SLC1A1: variants seen among roughly 807,000 people sequenced by gnomAD.
The protein encoded by SLC1A1 is solute carrier family 1 member 1, also known as excitatory amino acid transporter 3.
A neutral mutation model predicts 53.3 loss-of-function variants in SLC1A1; 43 were observed. The observed-to-expected ratio is 0.81, with a 90% CI of 0.63 to 1.04. SLC1A1 has a LOEUF of 1.04. Ranked by LOEUF, SLC1A1 falls within the 50% of genes least tolerant of loss-of-function variation. The pLI is 0.00. For missense variants in SLC1A1, 748 were observed against 664.9 expected, an observed-to-expected ratio of 1.12 and a Z score of -1.37; for synonymous variants, 307 against 243.2, an observed-to-expected ratio of 1.26 and a Z score of -2.44.
chr9:4,563,815 C>T (rs547187578), intron 3 of SLC1A1, among the ~76,000 whole-genome samples: 1 of 152,250 alleles, frequency 6.6e-6, no homozygotes, highest in Admixed American at 6.5e-5. Flanking sequence ...ATTCCACCCC[C>T]GGAACAGCAT....
intron 1 of SLC1A1, among the ~76,000 whole-genome samples, chr9:4,518,157 C>G (rs545293979): frequency 1.6e-3 from 228 of 141,370 alleles, no homozygotes; most frequent in Non-Finnish European, 2.8e-3. Flanking sequence ...AATTGCTGAA[C>G]CTGGGAGGCA....
chr9:4,577,593 A>G (rs1820677183), intron 10 of SLC1A1, among the ~76,000 whole-genome samples: 1 of 152,184 alleles, frequency 6.6e-6, no homozygotes, highest in African/African-American at 2.4e-5. Context: ...CTCCTGCCTC[A>G]GCCTCCTGAG....
chr9:4,559,387 A>T (rs1818717142), intron 2 of SLC1A1, among the ~76,000 whole-genome samples: 1 of 152,174 alleles, frequency 6.6e-6, no homozygotes, highest in Non-Finnish European at 1.5e-5. Context: ...CTCTCAAAAT[A>T]TTAACTTCCA....
chr9:4,547,012 C>T (rs982737428), intron 2 of SLC1A1, among the ~76,000 whole-genome samples: 2 of 152,112 alleles, frequency 1.3e-5, no homozygotes, highest in East Asian at 1.9e-4. Flanking sequence ...ACCCAAAACT[C>T]GAGGTAAAAC....
At position 4,564,178 on chromosome 9, in the gene SLC1A1, G is replaced by C. The variant is rs146602371; in HGVS notation, c.326-166G>C. Among the ~76,000 whole-genome samples, 27 of 152,288 alleles carry C rather than the reference G, an allele frequency of 1.8e-4. No homozygotes were observed. In the East Asian group the frequency reaches 4.6e-3, roughly 26 times the overall value. On this transcript the variant is annotated intron_variant, in intron 3 of 11. Coordinates refer to ENST00000262352, the MANE Select transcript of SLC1A1 (RefSeq NM_004170.6). The stretch of plus-strand genomic sequence containing the variant: ...TCATTTAAATGGAAGAGTAATTAAG[G>C]TGGCTGCTGAGGTTCCAGAGGAGGC...
rs1194981865 is a variant in SLC1A1 at position 4,583,966 on chromosome 9, G to T, written c.1328+794G>T. The stretch of plus-strand genomic sequence containing the variant: ...GAAAGTACCTTCAGTGACCCTCAAG[G>T]TTAAAGTTAGAACCAGCCTGGCTCC... On this transcript the variant is annotated intron_variant, in intron 11 of 11. Coordinates refer to ENST00000262352, the MANE Select transcript of SLC1A1 (RefSeq NM_004170.6). This position sits in a 1 kb window ranked among gnomAD's most constrained non-coding sequence, Gnocchi z 4.6. 2.0e-5 allele frequency among the ~76,000 whole-genome samples: 3 copies of T among 151,376 alleles called. No homozygotes were observed. Among genetic ancestry groups the T allele is most frequent in the Non-Finnish European group, 2.9e-5 (2 of 67,940 alleles).
rs73641469 is a variant in SLC1A1, at chr9:4,548,342, C to T, written c.232+3635C>T. On this transcript the variant is annotated intron_variant, in intron 2 of 11. Coordinates refer to ENST00000262352, the MANE Select transcript of SLC1A1 (RefSeq NM_004170.6). Reference sequence around the variant, plus strand: ...TGAATCCAGCAGGCTGGTAGCTTAACGTATACAGTTATTAGGCCGAAGGAG... The same window carrying T: ...TGAATCCAGCAGGCTGGTAGCTTAATGTATACAGTTATTAGGCCGAAGGAG... 4.9e-3 allele frequency among the ~76,000 whole-genome samples: 750 copies of T among 152,204 alleles called. 8 individuals are homozygous for T. The highest frequency in any genetic ancestry group is 0.017 in the African/African-American group (706 of 41,516).
chr9:4,559,424 G>T (rs924343586), intron 2 of SLC1A1, among the ~76,000 whole-genome samples: 1 of 151,902 alleles, frequency 6.6e-6, no homozygotes, highest in African/African-American at 2.4e-5. Context: ...CCAGAGAAAT[G>T]GTGTGTTTAG....
intron 8 of SLC1A1, among the ~76,000 whole-genome samples, chr9:4,574,853 G>A (rs960030641): frequency 2.0e-5 from 3 of 152,174 alleles, no homozygotes; most frequent in African/African-American, 4.8e-5. Context: ...CCAACACAGC[G>A]CATTTGGTTC....
At chr9:4,499,237 G>C (rs536778440) in intron 1 of SLC1A1, among the ~76,000 whole-genome samples, 1 of 151,800 alleles carries the variant, frequency 6.6e-6, no homozygotes, top group South Asian at 2.1e-4. Flanking sequence ...TAGAGACAAA[G>C]TTTCACCATG....
intron 1 of SLC1A1, among the ~76,000 whole-genome samples, chr9:4,535,899 A>C: frequency 6.6e-6 from 1 of 152,162 alleles, no homozygotes. Context: ...ACCTATCTAC[A>C]ACCATCTGAT....
Position 4,494,118 on chromosome 9 carries a change from C to T in SLC1A1, c.91+3348C>T, listed in dbSNP as rs183902748. 3.0e-3 allele frequency among the ~76,000 whole-genome samples: 450 copies of T among 150,450 alleles called. 2 individuals carry two copies. The highest frequency in any genetic ancestry group is 7.1e-3 in the South Asian group (34 of 4,820). ...TAAAATACCACTAGAAACACTTTCACGGCTTTCATTACAATTCTTATAGGC... is the reference window on the plus strand; with the variant it reads ...TAAAATACCACTAGAAACACTTTCATGGCTTTCATTACAATTCTTATAGGC... On this transcript the variant is annotated intron_variant, in intron 1 of 11. Transcript: ENST00000262352.
At chr9:4,511,596 C>CACACACACT (rs777710176) in intron 1 of SLC1A1, among the ~76,000 whole-genome samples, 6 of 151,244 alleles carry the variant, frequency 4.0e-5, no homozygotes, top group Non-Finnish European at 5.9e-5. Flanking sequence ...CACACACACA[C>CACACACACT]ACACTACACT....
intron 1 of SLC1A1, among the ~76,000 whole-genome samples, chr9:4,502,514 A>C (rs536456003): frequency 6.7e-6 from 1 of 149,930 alleles, no homozygotes; most frequent in East Asian, 2.0e-4. Flanking sequence ...ATCAATATTT[A>C]TTGAGAATTT....
In SLC1A1 at chr9:4,583,957, A is replaced by G. The variant is rs1821355541; in HGVS notation, c.1328+785A>G. On this transcript the variant is annotated intron_variant, in intron 11 of 11. Coordinates refer to ENST00000262352, the MANE Select transcript of SLC1A1 (RefSeq NM_004170.6). The surrounding 1 kb of genome is among the most constrained non-coding windows in gnomAD (Gnocchi z 4.6). ...TCTGGGTGAGAAAGTACCTTCAGTG[A>G]CCCTCAAGGTTAAAGTTAGAACCAG... 6.6e-6 allele frequency among the ~76,000 whole-genome samples: 1 copy of G among 151,706 alleles called. No homozygotes were observed.
At chr9:4,540,416 G>C (rs986686769) in intron 1 of SLC1A1, among the ~76,000 whole-genome samples, 1 of 152,194 alleles carries the variant, frequency 6.6e-6, no homozygotes, top group African/African-American at 2.4e-5. Context: ...TGTGCTCTCG[G>C]TAGAGAGCAA....
At chr9:4,531,436 C>T (rs1012124112) in intron 1 of SLC1A1, among the ~76,000 whole-genome samples, 3 of 152,192 alleles carry the variant, frequency 2.0e-5, no homozygotes, top group African/African-American at 7.2e-5. Context: ...GAGGGTCCTA[C>T]GCCCGCAGAG....
intron 1 of SLC1A1, among the ~76,000 whole-genome samples, chr9:4,527,981 A>C (rs1816323536): frequency 6.6e-6 from 1 of 152,112 alleles, no homozygotes; most frequent in Non-Finnish European, 1.5e-5. Context: ...CTTGTTACTC[A>C]GCTTATTCTG....
At chr9:4,544,121 A>T (rs1037894954) in intron 1 of SLC1A1, among the ~76,000 whole-genome samples, 1 of 152,204 alleles carries the variant, frequency 6.6e-6, no homozygotes, top group African/African-American at 2.4e-5. Flanking sequence ...GGCTGCAGTG[A>T]GCCGAGATGG....
Sources: allele counts gnomAD v4.1 joint callset (sites outside exome capture counted in the v4.1 genomes callset), GRCh38; gene constraint gnomAD v4.1.1; non-coding constraint Gnocchi (gnomAD v3.1); transcripts MANE v1.5; gene names NCBI Gene and HGNC (gene_info 2026-07-23, HGNC 2026-07-21).